The following TMEM154 variants were observed in gnomAD, a reference collection of about 807,000 sequenced individuals.
TMEM154 encodes transmembrane protein 154.
A neutral mutation model predicts 24.5 loss-of-function variants in TMEM154; 27 were observed. That is an observed-to-expected ratio of 1.10 (90% CI 0.81 to 1.52). The LOEUF (loss-of-function observed/expected upper bound fraction) is 1.52. Ranked by LOEUF, TMEM154 falls within the 40% of genes most tolerant of loss-of-function variation. The probability of loss-of-function intolerance (pLI) is 0.00; values close to 1 mark genes in which losing one functional copy is unlikely to be tolerated. For missense variants in TMEM154, 228 were observed against 213.4 expected, an observed-to-expected ratio of 1.07 and a Z score of -0.43; for synonymous variants, 67 against 76.8, an observed-to-expected ratio of 0.87 and a Z score of 0.67.
chr4:152,619,409 G>A lies in TMEM154; in HGVS notation c.*9137C>T, dbSNP rs923352539. On this transcript the variant is annotated 3_prime_UTR_variant, in exon 7 of 7. Transcript: ENST00000304385. ...ATTTGGGCAGATCACATTTTCCAAC[G>A]GTGCCTGCAACAAATCCCTTATCCC... The A allele has an allele frequency of 3.1e-4, 31 of 100,242 alleles. No homozygotes were observed. Among genetic ancestry groups the A allele is most frequent in the Non-Finnish European group, 5.9e-4 (26 of 44,270 alleles). The allele number at this position is 100,242 out of a possible 1,614,324, so 6.2% of individuals were successfully genotyped here. A position where few individuals can be genotyped will look rare whatever the true frequency, so the allele number is the denominator to read the frequency against.
intron 3 of TMEM154, 26 bp from the exon 4 acceptor site, chr4:152,644,468 A>G: frequency 6.2e-7 from 1 of 1,613,748 alleles, no homozygotes; most frequent in Non-Finnish European, 8.5e-7. Context: ...CATAAAGGTC[A>G]TGTTAGCTTT....
intron 1 of TMEM154, among the ~76,000 whole-genome samples, chr4:152,658,643 G>A (rs904408982): frequency 3.3e-5 from 5 of 151,740 alleles, no homozygotes; most frequent in African/African-American, 1.2e-4. Flanking sequence ...AAAATTTTTA[G>A]CTTTACTAAA....
rs564829778 is a variant in TMEM154, at chr4:152,650,035, A to G, written c.364+2503T>C. Among the ~76,000 whole-genome samples, 13 of 152,258 alleles carry G rather than the reference A, an allele frequency of 8.5e-5. No homozygotes were observed. In the South Asian group the frequency reaches 2.7e-3, roughly 32 times the overall value. On this transcript the variant is annotated intron_variant, in intron 3 of 6. Transcript: ENST00000304385. Reference sequence around the variant, plus strand: ...ATCATCTGAGCCTTCCGCAAGTTGTAATTATTTTTCTGGCGGAGGGTCTTG... The same window carrying G: ...ATCATCTGAGCCTTCCGCAAGTTGTGATTATTTTTCTGGCGGAGGGTCTTG...
At chr4:152,678,992 T>G (rs1188814409) in intron 1 of TMEM154, among the ~76,000 whole-genome samples, 1 of 152,128 alleles carries the variant, frequency 6.6e-6, no homozygotes, top group Non-Finnish European at 1.5e-5. Context: ...TCCTTTTGCT[T>G]GGTAAATACT....
At position 152,625,149 on chromosome 4, in the gene TMEM154, A is replaced by T. The variant is rs1396723155; in HGVS notation, c.*3397T>A. 1 of 152,214 alleles carries T rather than the reference A, an allele frequency of 6.6e-6. No individual in the cohort carries two copies. Among genetic ancestry groups the T allele is most frequent in the Admixed American group, 6.5e-5 (1 of 15,286 alleles). 9.4% of individuals were successfully genotyped at this position (152,214 alleles called of 1,614,324 possible). A position where few individuals can be genotyped will look rare whatever the true frequency, so the allele number is the denominator to read the frequency against. On this transcript the variant is annotated 3_prime_UTR_variant, in exon 7 of 7. Transcript: ENST00000304385. ...TTAAACCACCAAAATAAAAGAATAG[A>T]CAAGTATTTTCTTAACATATCCATT...
In TMEM154 at chr4:152,649,624, C is replaced by T. The variant is rs540184214; in HGVS notation, c.364+2914G>A. ...ACAGAAATATAGATGAAAGAATGCT[C>T]TTCTGGTGGTGATGACCCCAAGGCC... On this transcript the variant is annotated intron_variant, in intron 3 of 6. Coordinates refer to ENST00000304385, the MANE Select transcript of TMEM154 (RefSeq NM_152680.3). Among the ~76,000 whole-genome samples, 294 of 152,320 alleles carry T rather than the reference C, an allele frequency of 1.9e-3. 3 individuals are homozygous for T. The South Asian group carries it at 0.031, about 16-fold the overall frequency.
chr4:152,655,968 G>A (rs1422658833), intron 1 of TMEM154, among the ~76,000 whole-genome samples: 1 of 152,152 alleles, frequency 6.6e-6, no homozygotes, highest in East Asian at 1.9e-4. Context: ...CAGTACTTGA[G>A]TGTGCCATTT....
rs1751956906 is a variant in TMEM154, at chr4:152,628,511, C to T, written c.*35G>A. 1.5e-6 allele frequency: 2 copies of T among 1,349,514 alleles called. No homozygotes were observed. The highest frequency in any genetic ancestry group is 2.0e-6 in the Non-Finnish European group (2 of 1,025,180). The allele number at this position is 1,349,514 out of a possible 1,614,324, so 83.6% of individuals were successfully genotyped here. ...CAGCCTCAGCAGACTCCCTCAGGGG[C>T]TGCTTCTCTTGGAAAACATGAGCGC... On this transcript the variant is annotated 3_prime_UTR_variant, in exon 7 of 7. Transcript: ENST00000304385.
intron 1 of TMEM154, among the ~76,000 whole-genome samples, chr4:152,653,854 C>T (rs1015229815): frequency 1.3e-5 from 2 of 151,324 alleles, no homozygotes; most frequent in African/African-American, 4.8e-5. Flanking sequence ...GCCTGACCAA[C>T]ATGGTGAAAC....
chr4:152,642,198 C>T (rs7660250), intron 5 of TMEM154, among the ~76,000 whole-genome samples: 2 of 152,000 alleles, frequency 1.3e-5, no homozygotes, highest in South Asian at 4.2e-4. Flanking sequence ...GGATTATAGG[C>T]GTGAGCCACC....
intron 1 of TMEM154, among the ~76,000 whole-genome samples, chr4:152,666,026 G>A: frequency 6.6e-6 from 1 of 152,032 alleles, no homozygotes. Context: ...CTGGGCTCAA[G>A]CGATCCTGCT....
chr4:152,652,199 TA>T lies in TMEM154; in HGVS notation c.364+338del, dbSNP rs1290528876. 2.6e-5 allele frequency among the ~76,000 whole-genome samples: 4 copies of T among 151,180 alleles called. No individual in the cohort carries two copies. In the South Asian group the frequency reaches 8.3e-4, roughly 31 times the overall value. Reference sequence around the variant, plus strand: ...CAAAATGTAATGCAGAGACACAAAGTAAACATGTGCTGTTGAAAAAATGATA... The same window carrying T: ...CAAAATGTAATGCAGAGACACAAAGTAACATGTGCTGTTGAAAAAATGATA... On this transcript the variant is annotated intron_variant, in intron 3 of 6. Coordinates refer to ENST00000304385, the MANE Select transcript of TMEM154 (RefSeq NM_152680.3).
At chr4:152,668,950 A>G (rs1728775777) in intron 1 of TMEM154, 1 of 152,212 alleles carries the variant, frequency 6.6e-6, no homozygotes, top group Admixed American at 6.6e-5. Flanking sequence ...TTCACCTTCA[A>G]AGAGAATCAA....
rs938542217 is a variant in TMEM154, at chr4:152,622,718, A to G, written c.*5828T>C. 4 of 152,230 alleles carry G rather than the reference A, an allele frequency of 2.6e-5. No homozygotes were observed. Among genetic ancestry groups the G allele is most frequent in the African/African-American group, 9.6e-5 (4 of 41,464 alleles). 9.4% of individuals were successfully genotyped at this position (152,230 alleles called of 1,614,324 possible). On this transcript the variant is annotated 3_prime_UTR_variant, in exon 7 of 7. Coordinates refer to ENST00000304385, the MANE Select transcript of TMEM154 (RefSeq NM_152680.3). ...TTATAAAATTGTAAATCATACTGGA[A>G]AAATACTATACATATTATTCTCAGT...
At chr4:152,657,524 G>T (rs1728513866) in intron 1 of TMEM154, among the ~76,000 whole-genome samples, 1 of 152,012 alleles carries the variant, frequency 6.6e-6, no homozygotes, top group South Asian at 2.1e-4. Flanking sequence ...AAAAGAAAAA[G>T]AAAAAGAAGA....
In TMEM154 at chr4:152,652,874, G is replaced by A; in HGVS notation, c.118C>T (p.Pro40Ser). Reference sequence around the variant, plus strand: ...GTGCTTGGAATAGTCACTTTATTTGGTCTTTCAGATTCCACAGTTGTATCT... The same window carrying A: ...GTGCTTGGAATAGTCACTTTATTTGATCTTTCAGATTCCACAGTTGTATCT... ...SGDTTVESER[P>S]NKVTIPSTFA... is the part of the protein sequence containing the mutation. Residue 40 changes from proline (P) to serine (S), a missense_variant, in exon 2 of 7, where the codon CCA (proline) becomes TCA (serine). Physicochemically the swap from Pro to Ser is moderately conservative, Grantham distance 74. Transcript: ENST00000304385. The A allele has an allele frequency of 6.2e-7, 1 of 1,613,600 alleles. No individual in the cohort carries two copies. Among genetic ancestry groups the A allele is most frequent in the Non-Finnish European group, 8.5e-7 (1 of 1,179,806 alleles).
intron 1 of TMEM154, among the ~76,000 whole-genome samples, chr4:152,655,819 G>A (rs1050219914): frequency 1.3e-5 from 2 of 152,286 alleles, no homozygotes; most frequent in African/African-American, 4.8e-5. Context: ...GCAGGCAGCA[G>A]TGTAGTCACT....
intron 3 of TMEM154, among the ~76,000 whole-genome samples, chr4:152,650,436 C>T (rs1016028733): frequency 1.1e-4 from 17 of 151,976 alleles, no homozygotes; most frequent in Non-Finnish European, 4.4e-5. Context: ...AACGTTTTAT[C>T]ATGAGATTGC....
chr4:152,630,554 T>C (rs1277680701), intron 6 of TMEM154, among the ~76,000 whole-genome samples: 3 of 152,196 alleles, frequency 2.0e-5, no homozygotes, highest in African/African-American at 7.2e-5. Flanking sequence ...TTGCATGTTT[T>C]CCTTTGTGAC....
Sources: gnomAD v4.1 joint callset for allele counts (sites outside exome capture counted in the v4.1 genomes callset) on GRCh38, gnomAD v4.1.1 for gene constraint, MANE v1.5 for transcripts, NCBI Gene and HGNC (gene_info 2026-07-23, HGNC 2026-07-21) for gene names.